ZFHX3: variants seen among roughly 807,000 people sequenced by gnomAD.
ZFHX3 encodes zinc finger homeobox 3.
In ZFHX3, 42 loss-of-function variants were observed where a neutral mutation model predicts 279.1. That is an observed-to-expected ratio of 0.15 (90% CI 0.12 to 0.19). ZFHX3 has a LOEUF of 0.19. Ranked by LOEUF, ZFHX3 falls within the 10% of genes least tolerant of loss-of-function variation. The pLI is 1.00. For synonymous variants in ZFHX3, 2,293 were observed against 1,957.8 expected, an observed-to-expected ratio of 1.17 and a Z score of -4.52; for missense variants, 4,981 against 4,754.0, an observed-to-expected ratio of 1.05 and a Z score of -1.40.
chr16:73,862,742 A>C (rs1037517849), intron 1 of ZFHX3, among the ~76,000 whole-genome samples: 5 of 152,076 alleles, frequency 3.3e-5, no homozygotes, highest in Admixed American at 2.6e-4. Flanking sequence ...ACGCCACTGC[A>C]CTCCAGCCCA....
At chr16:73,341,394 G>A (rs755794797) in intron 3 of ZFHX3, among the ~76,000 whole-genome samples, 3 of 152,010 alleles carry the variant, frequency 2.0e-5, no homozygotes, top group African/African-American at 4.8e-5. Context: ...ATGGATGAAG[G>A]ATGTGAACAG....
chr16:73,507,445 G>A (rs2019346119), intron 2 of ZFHX3, among the ~76,000 whole-genome samples: 1 of 149,276 alleles, frequency 6.7e-6, no homozygotes, highest in Non-Finnish European at 1.5e-5. Context: ...AAAGTGTACT[G>A]GAGTCTGTAC....
chr16:73,626,515 C>A (rs1469984661), intron 2 of ZFHX3, among the ~76,000 whole-genome samples: 1 of 152,140 alleles, frequency 6.6e-6, no homozygotes, highest in East Asian at 1.9e-4. Flanking sequence ...AATTAAATTA[C>A]ATTTAAACAT....
At position 72,977,600 on chromosome 16, in the gene ZFHX3, A is replaced by AC. The variant is rs1962405738; in HGVS notation, c.-49-17407_-49-17406insG. Among the ~76,000 whole-genome samples the AC allele has an allele frequency of 3.3e-5, 5 of 150,614 alleles. No homozygotes were observed. In the South Asian group the frequency reaches 1.1e-3, roughly 32 times the overall value. ...CTGTCGTGGGTCAGTGGGGGGAAAA[A>AC]AATCACTCTCCACACAGCTCTTGAG... On this transcript the variant is annotated intron_variant, in intron 1 of 9. Coordinates refer to ENST00000268489, the MANE Select transcript of ZFHX3 (RefSeq NM_006885.4).
chr16:72,990,378 G>A (rs1362083383), intron 1 of ZFHX3, among the ~76,000 whole-genome samples: 1 of 152,204 alleles, frequency 6.6e-6, no homozygotes, highest in Non-Finnish European at 1.5e-5. Flanking sequence ...CTGCAAGAAC[G>A]TTATCAGTCT....
At chr16:73,562,323 C>T (rs556717983) in intron 2 of ZFHX3, among the ~76,000 whole-genome samples, 7 of 152,078 alleles carry the variant, frequency 4.6e-5, no homozygotes, top group East Asian at 1.9e-4. Context: ...AGGCCGGGCG[C>T]GGTGGCTCAC....
intron 1 of ZFHX3, among the ~76,000 whole-genome samples, chr16:73,746,244 A>C (rs1437925488): frequency 1.3e-5 from 2 of 151,794 alleles, no homozygotes; most frequent in Middle Eastern, 3.2e-3. Context: ...GCACTATGTT[A>C]CTCTTACCAT....
intron 1 of ZFHX3, among the ~76,000 whole-genome samples, chr16:72,962,413 C>G (rs1961623647): frequency 6.6e-6 from 1 of 152,202 alleles, no homozygotes; most frequent in African/African-American, 2.4e-5. Flanking sequence ...GAAAGAATGA[C>G]ACTGTACCCA....
chr16:72,817,498 C>A lies in ZFHX3; in HGVS notation c.3530-5460G>T, dbSNP rs555075149. ...CCTCATTTTCAAGATATCCACTTGCCCTCCAAGAAAACCAACATACTGGTA... is the reference window on the plus strand; with the variant it reads ...CCTCATTTTCAAGATATCCACTTGCACTCCAAGAAAACCAACATACTGGTA... On this transcript the variant is annotated intron_variant, in intron 5 of 9. Coordinates refer to ENST00000268489, the MANE Select transcript of ZFHX3 (RefSeq NM_006885.4). 7.9e-5 allele frequency among the ~76,000 whole-genome samples: 12 copies of A among 152,300 alleles called. No homozygotes were observed. In the South Asian group the frequency reaches 2.5e-3, roughly 32 times the overall value.
chr16:73,417,388 TTTC>T (rs2017610850), intron 3 of ZFHX3, among the ~76,000 whole-genome samples: 2 of 110,454 alleles, frequency 1.8e-5, no homozygotes, highest in Admixed American at 1.1e-4. Context: ...AAAGGAATTT[TTTC>T]TTTTCTTTTT....
chr16:72,963,190 T>C (rs1227375549), intron 1 of ZFHX3, among the ~76,000 whole-genome samples: 1 of 152,100 alleles, frequency 6.6e-6, no homozygotes, highest in East Asian at 1.9e-4. Context: ...CGCACACCTC[T>C]CTTCAGGCTC....
chr16:72,882,172 CTTTTTT>C (rs11298791), intron 4 of ZFHX3, among the ~76,000 whole-genome samples: 10 of 103,792 alleles, frequency 9.6e-5, no homozygotes, highest in Admixed American at 2.1e-4. Context: ...CCCCTTTTTC[CTTTTTT>C]TTTTTTTTTT....
intron 1 of ZFHX3, among the ~76,000 whole-genome samples, chr16:73,751,158 G>A (rs2053758746): frequency 6.6e-6 from 1 of 152,172 alleles, no homozygotes; most frequent in Non-Finnish European, 1.5e-5. Flanking sequence ...TACGGACTGA[G>A]GACCTCTGGG....
At chr16:73,514,843 T>A (rs560717580) in intron 2 of ZFHX3, among the ~76,000 whole-genome samples, 2 of 152,232 alleles carry the variant, frequency 1.3e-5, no homozygotes, top group East Asian at 3.9e-4. Flanking sequence ...TGAGCTGACA[T>A]GAACTTTCAA....
At chr16:73,807,963 G>A (rs752104025) in intron 1 of ZFHX3, among the ~76,000 whole-genome samples, 1 of 152,040 alleles carries the variant, frequency 6.6e-6, no homozygotes, top group Non-Finnish European at 1.5e-5. Flanking sequence ...TTACATTCAA[G>A]TATCACTTGC....
intron 8 of ZFHX3, among the ~76,000 whole-genome samples, chr16:73,066,663 G>C (rs1710262251): frequency 6.6e-6 from 1 of 152,094 alleles, no homozygotes. Flanking sequence ...GAAAAGCCAC[G>C]AGGCCCGGGG....
chr16:73,587,723 T>A (rs1293685337), intron 2 of ZFHX3, among the ~76,000 whole-genome samples: 2 of 152,200 alleles, frequency 1.3e-5, no homozygotes, highest in African/African-American at 4.8e-5. Flanking sequence ...ATTGGAGAGT[T>A]TGAGTAATTT....
chr16:73,814,679 T>C (rs1960518801), intron 1 of ZFHX3, among the ~76,000 whole-genome samples: 1 of 152,004 alleles, frequency 6.6e-6, no homozygotes, highest in African/African-American at 2.4e-5. Flanking sequence ...GTGATTCTCC[T>C]GCCTCAGCCT....
At chr16:73,195,254 G>GT (rs144581621) in intron 5 of ZFHX3, among the ~76,000 whole-genome samples, 1 of 152,022 alleles carries the variant, frequency 6.6e-6, no homozygotes, top group African/African-American at 2.4e-5. Context: ...AGGACCCTTT[G>GT]TTTTTTCTAT....
Sources: allele counts gnomAD v4.1 joint callset (sites outside exome capture counted in the v4.1 genomes callset), GRCh38; gene constraint gnomAD v4.1.1; transcripts MANE v1.5; gene names NCBI Gene and HGNC (gene_info 2026-07-23, HGNC 2026-07-21).